OTOGL: variants seen among roughly 807,000 people sequenced by gnomAD.
The protein encoded by OTOGL is otogelin-like protein.
Under a neutral mutation model 318.5 loss-of-function variants are expected in OTOGL, and 285 were observed. That is an observed-to-expected ratio of 0.89 (90% CI 0.81 to 0.99). The LOEUF (loss-of-function observed/expected upper bound fraction) is 0.99, where lower values mean the gene tolerates loss of function less well. Among genes scored for constraint, OTOGL ranks in the 50% least tolerant of loss-of-function variants. The pLI is 0.00. For missense variants in OTOGL, 2,899 were observed against 2,845.6 expected (o/e 1.02, Z -0.43); for synonymous variants, 987 against 936.5 (o/e 1.05, Z -0.99).
In OTOGL at chr12:80,259,764, T is replaced by C. The variant is rs150490942; in HGVS notation, c.1889+1762T>C. Among the ~76,000 whole-genome samples, 12 of 152,260 alleles carry C rather than the reference T, an allele frequency of 7.9e-5. 1 individual carries two copies. In the East Asian group the frequency reaches 2.3e-3, roughly 29 times the overall value. Reference sequence around the variant, plus strand: ...CACATTTTCTTTATCCAGTCTATCATTGATGGGCATTTGCGTTGGTTCCAA... The same window carrying C: ...CACATTTTCTTTATCCAGTCTATCACTGATGGGCATTTGCGTTGGTTCCAA... On this transcript the variant is annotated intron_variant, in intron 18 of 58. Transcript: ENST00000547103.
At chr12:80,143,529 T>G (rs1165165155) in intron 1 of OTOGL, among the ~76,000 whole-genome samples, 4 of 152,108 alleles carry the variant, frequency 2.6e-5, no homozygotes, top group African/African-American at 9.7e-5. Context: ...TTTTTCATGG[T>G]TTGTTTTCTA....
At chr12:80,357,182 C>CT (rs1889960552) in intron 49 of OTOGL, among the ~76,000 whole-genome samples, 2 of 152,088 alleles carry the variant, frequency 1.3e-5, no homozygotes, top group South Asian at 4.1e-4. Context: ...AGGCCAATAC[C>CT]TTTTTTCGAA....
At chr12:80,276,392 G>C (rs1376681723) in intron 24 of OTOGL, among the ~76,000 whole-genome samples, 2 of 151,738 alleles carry the variant, frequency 1.3e-5, no homozygotes, top group East Asian at 1.9e-4. Flanking sequence ...ATAGTAAGCA[G>C]TCAAGAATAT....
chr12:80,204,403 A>G (rs1876671326), intron 1 of OTOGL, among the ~76,000 whole-genome samples: 1 of 152,164 alleles, frequency 6.6e-6, no homozygotes. Flanking sequence ...TCATCCAATC[A>G]CGACATTTTG....
intron 9 of OTOGL, among the ~76,000 whole-genome samples, chr12:80,235,750 C>A (rs1879790688): frequency 6.6e-6 from 1 of 151,998 alleles, no homozygotes; most frequent in South Asian, 2.1e-4. Flanking sequence ...GCTGAACTGG[C>A]AGAAGGCAAG....
At chr12:80,216,219 A>G (rs1877706484) in intron 4 of OTOGL, among the ~76,000 whole-genome samples, 1 of 152,200 alleles carries the variant, frequency 6.6e-6, no homozygotes, top group South Asian at 2.1e-4. Flanking sequence ...AAAATGTCAA[A>G]ATAAAACTTC....
At chr12:80,149,386 C>T (rs1050071861) in intron 1 of OTOGL, among the ~76,000 whole-genome samples, 1 of 151,792 alleles carries the variant, frequency 6.6e-6, no homozygotes, top group Non-Finnish European at 1.5e-5. Flanking sequence ...GGCCAGGGGT[C>T]AGGGGTCAGG....
At chr12:80,140,970 A>G in intron 1 of OTOGL, among the ~76,000 whole-genome samples, 1 of 152,194 alleles carries the variant, frequency 6.6e-6, no homozygotes, top group East Asian at 1.9e-4. Context: ...TACCTTCAGA[A>G]AAGTAGTGAA....
chr12:80,209,323 G>A, intron 1 of OTOGL, 90 bp from the exon 2 acceptor site: 2 of 615,500 alleles, frequency 3.2e-6, no homozygotes, highest in Non-Finnish European at 5.0e-6. Context: ...TTATTACATA[G>A]CTATATTTAT....
intron 44 of OTOGL, among the ~76,000 whole-genome samples, chr12:80,348,375 G>T (rs79397611): frequency 6.6e-6 from 1 of 152,072 alleles, no homozygotes; most frequent in Non-Finnish European, 1.5e-5. Context: ...TATTAAATAG[G>T]GAATCATTTC....
chr12:80,337,766 A>G (rs150121327), intron 42 of OTOGL, among the ~76,000 whole-genome samples: 54 of 152,248 alleles, frequency 3.5e-4, no homozygotes, highest in African/African-American at 1.3e-3. Context: ...GCATAGGTCC[A>G]TAGATTCTAG....
chr12:80,145,544 C>T (rs1225635538), intron 1 of OTOGL, among the ~76,000 whole-genome samples: 1 of 151,584 alleles, frequency 6.6e-6, no homozygotes, highest in Non-Finnish European at 1.5e-5. Flanking sequence ...GATGCGGGCT[C>T]TTTTTTGGTG....
chr12:80,214,429 G>A (rs1488321135), intron 4 of OTOGL, among the ~76,000 whole-genome samples: 1 of 152,182 alleles, frequency 6.6e-6, no homozygotes, highest in Non-Finnish European at 1.5e-5. Flanking sequence ...AAATCTCCAG[G>A]AAGGCACTTT....
At position 80,352,235 on chromosome 12, in the gene OTOGL, C is replaced by A; in HGVS notation, c.5266-60C>A. On this transcript the variant is annotated intron_variant, in intron 44 of 58. Transcript: ENST00000547103. ...GATTCTCCAAATAATCTTAGTCTAG[C>A]TTAGGGCTTTCAGAGAAATAAAACA... 4 of 1,447,772 alleles carry A rather than the reference C, an allele frequency of 2.8e-6. No homozygotes were observed. In the South Asian group the frequency reaches 5.4e-5, roughly 20 times the overall value. 89.7% of individuals were successfully genotyped at this position (1,447,772 alleles called of 1,614,324 possible).
At chr12:80,325,980 T>C (rs1393737071) in intron 35 of OTOGL, among the ~76,000 whole-genome samples, 2 of 152,212 alleles carry the variant, frequency 1.3e-5, no homozygotes, top group Non-Finnish European at 2.9e-5. Flanking sequence ...TTCTGTATGT[T>C]TGGGATGCAG....
chr12:80,232,031 G>T (rs779956573), intron 8 of OTOGL, among the ~76,000 whole-genome samples: 1 of 152,080 alleles, frequency 6.6e-6, no homozygotes. Context: ...AAGGATAATT[G>T]TGTTCTTTCA....
chr12:80,119,356 A>G (rs1870352641), intron 1 of OTOGL, among the ~76,000 whole-genome samples: 1 of 152,262 alleles, frequency 6.6e-6, no homozygotes, highest in Non-Finnish European at 1.5e-5. Context: ...TAAATGGCAC[A>G]GCTTGTTAGC....
intron 1 of OTOGL, among the ~76,000 whole-genome samples, chr12:80,144,676 T>C (rs1872211323): frequency 6.6e-6 from 1 of 151,884 alleles, no homozygotes; most frequent in South Asian, 2.1e-4. Flanking sequence ...CCACCAACAG[T>C]GTAAAAGTGT....
At position 80,226,177 on chromosome 12, in the gene OTOGL, A is replaced by AACACACACACACACAC. The variant is rs35975748; in HGVS notation, c.490-3049_490-3034dup. Among the ~76,000 whole-genome samples the AACACACACACACACAC allele has an allele frequency of 3.1e-3, 414 of 132,950 alleles. 1 individual carries two copies. The highest frequency in any genetic ancestry group is 5.3e-3 in the Non-Finnish European group (330 of 61,942). 87.2% of individuals were successfully genotyped at this position (132,950 alleles called of 152,430 possible). On this transcript the variant is annotated intron_variant, in intron 7 of 58. Coordinates refer to ENST00000547103, the MANE Select transcript of OTOGL (RefSeq NM_001378609.3). ...TAGTTATGCCACCCTTCCTGCTCCT[A>AACACACACACACACAC]ACACACACACACACACACACACACA...
Sources: gnomAD v4.1 joint callset for allele counts (sites outside exome capture counted in the v4.1 genomes callset) on GRCh38, gnomAD v4.1.1 for gene constraint, MANE v1.5 for transcripts, NCBI Gene and HGNC (gene_info 2026-07-23, HGNC 2026-07-21) for gene names.